The following FAM227B variants were observed in gnomAD, a reference collection of about 807,000 sequenced individuals.
FAM227B encodes the protein protein FAM227B.
In FAM227B, 88 loss-of-function variants were observed where a neutral mutation model predicts 73.8. The observed-to-expected ratio is 1.19, with a 90% CI of 1.00 to 1.42. The LOEUF (loss-of-function observed/expected upper bound fraction) is 1.42. Ranked by LOEUF, FAM227B falls within the 40% of genes most tolerant of loss-of-function variation. FAM227B has a pLI of 0.00. For synonymous variants in FAM227B, 210 were observed against 190.5 expected (o/e 1.10, Z -0.84); for missense variants, 632 against 590.9 (o/e 1.07, Z -0.72).
chr15:49,500,446 TC>T (rs1452730720), intron 11 of FAM227B, among the ~76,000 whole-genome samples: 1 of 152,140 alleles, frequency 6.6e-6, no homozygotes, highest in Non-Finnish European at 1.5e-5. Flanking sequence ...GGACATAAAG[TC>T]AAAGGAGGTT....
chr15:49,363,929 A>T (rs972343150), intron 13 of FAM227B, among the ~76,000 whole-genome samples: 18 of 152,024 alleles, frequency 1.2e-4, no homozygotes, highest in African/African-American at 4.3e-4. Context: ...ATTGATTTGC[A>T]CATGTTGCAT....
chr15:49,598,835 T>C (rs981690953), intron 3 of FAM227B, among the ~76,000 whole-genome samples: 16 of 152,078 alleles, frequency 1.1e-4, no homozygotes, highest in African/African-American at 2.4e-4. Flanking sequence ...TAATGTACTG[T>C]TGAATTGGGT....
At chr15:49,500,471 A>G (rs758085211) in intron 11 of FAM227B, among the ~76,000 whole-genome samples, 11 of 152,272 alleles carry the variant, frequency 7.2e-5, no homozygotes, top group Non-Finnish European at 1.2e-4. Context: ...TTGGAGCTTT[A>G]AGATACATGG....
At chr15:49,585,789 A>C (rs943571440) in intron 5 of FAM227B, among the ~76,000 whole-genome samples, 1 of 152,184 alleles carries the variant, frequency 6.6e-6, no homozygotes, top group Non-Finnish European at 1.5e-5. Context: ...ACATGTATAC[A>C]TATGTAACTA....
chr15:49,394,974 C>A (rs1454932218), intron 11 of FAM227B, among the ~76,000 whole-genome samples: 1 of 152,130 alleles, frequency 6.6e-6, no homozygotes, highest in Non-Finnish European at 1.5e-5. Flanking sequence ...TTTAACAATT[C>A]TTTGTCAGAG....
intron 13 of FAM227B, among the ~76,000 whole-genome samples, chr15:49,357,706 G>C (rs991414784): frequency 2.4e-4 from 37 of 151,808 alleles, no homozygotes; most frequent in African/African-American, 8.5e-4. Flanking sequence ...CCAATCAATA[G>C]AAAAAGAGGG....
At chr15:49,525,026 G>A in intron 10 of FAM227B, among the ~76,000 whole-genome samples, 1 of 152,176 alleles carries the variant, frequency 6.6e-6, no homozygotes, top group African/African-American at 2.4e-5. Flanking sequence ...TTGGATTGTG[G>A]ACTTTTGAGT....
chr15:49,417,555 A>G (rs564718927), intron 11 of FAM227B, among the ~76,000 whole-genome samples: 1 of 152,286 alleles, frequency 6.6e-6, no homozygotes, highest in East Asian at 1.9e-4. Flanking sequence ...AATCTCACAA[A>G]AACAAGCAAT....
At chr15:49,535,525 C>T (rs977727383) in intron 10 of FAM227B, among the ~76,000 whole-genome samples, 1 of 151,758 alleles carries the variant, frequency 6.6e-6, no homozygotes, top group Non-Finnish European at 1.5e-5. Flanking sequence ...ACTCTTTAAA[C>T]TCTAGAAATA....
At chr15:49,496,485 TAATCTAACAATACACTGC>T (rs1392842519) in intron 11 of FAM227B, among the ~76,000 whole-genome samples, 2 of 152,228 alleles carry the variant, frequency 1.3e-5, no homozygotes, top group East Asian at 3.8e-4. Flanking sequence ...GTCTTGTAAA[TAATCTAACAATACACTGC>T]TTAAGAGGAG....
chr15:49,588,546 A>C (rs578230003), intron 4 of FAM227B, among the ~76,000 whole-genome samples: 1 of 41,494 alleles, frequency 2.4e-5, no homozygotes, highest in African/African-American at 9.1e-5. Flanking sequence ...CATATTGAGG[A>C]CTATATATAT....
At chr15:49,445,750 ATC>A (rs1173754922) in intron 11 of FAM227B, among the ~76,000 whole-genome samples, 1 of 151,596 alleles carries the variant, frequency 6.6e-6, no homozygotes, top group Non-Finnish European at 1.5e-5. Flanking sequence ...AACTGCAGGT[ATC>A]TGTTTAAAGT....
At position 49,493,888 on chromosome 15, in the gene FAM227B, A is replaced by ATATGTG. The variant is rs146161182; in HGVS notation, c.1012+14322_1012+14323insCACATA. Among the ~76,000 whole-genome samples, 84 of 148,916 alleles carry ATATGTG rather than the reference A, an allele frequency of 5.6e-4. 1 individual carries two copies. The highest frequency in any genetic ancestry group is 1.9e-3 in the African/African-American group (75 of 40,414). ...TATGTATGTGTATATATATATATAT[A>ATATGTG]TGTGTGTGTGTGTATGTATGTGTGT... On this transcript the variant is annotated intron_variant, in intron 11 of 15. Coordinates refer to ENST00000299338, the MANE Select transcript of FAM227B (RefSeq NM_152647.3).
At chr15:49,347,042 AC>A (rs2041608204) in intron 13 of FAM227B, among the ~76,000 whole-genome samples, 1 of 152,222 alleles carries the variant, frequency 6.6e-6, no homozygotes, top group Non-Finnish European at 1.5e-5. Context: ...TTGGAATCTT[AC>A]CCAGATTCTA....
At chr15:49,493,992 T>C (rs2057364052) in intron 11 of FAM227B, among the ~76,000 whole-genome samples, 1 of 151,828 alleles carries the variant, frequency 6.6e-6, no homozygotes, top group South Asian at 2.1e-4. Context: ...TACATACCTA[T>C]AGATATATAA....
At chr15:49,484,160 T>A in intron 11 of FAM227B, 1 of 557,226 alleles carries the variant, frequency 1.8e-6, no homozygotes, top group Non-Finnish European at 3.1e-6. Flanking sequence ...TAAGTATAGC[T>A]AATAAACCAC....
chr15:49,346,371 T>C (rs988243143), intron 13 of FAM227B, among the ~76,000 whole-genome samples: 2 of 152,200 alleles, frequency 1.3e-5, no homozygotes, highest in African/African-American at 2.4e-5. Flanking sequence ...TTGCACAGAA[T>C]GAACCTGTTA....
At chr15:49,572,617 C>T (rs1285234403) in intron 8 of FAM227B, among the ~76,000 whole-genome samples, 1 of 152,042 alleles carries the variant, frequency 6.6e-6, no homozygotes, top group African/African-American at 2.4e-5. Context: ...ATTTTCATAC[C>T]AAACAACCCA....
chr15:49,516,926 T>C (rs1018952878), intron 10 of FAM227B, among the ~76,000 whole-genome samples: 1 of 152,114 alleles, frequency 6.6e-6, no homozygotes, highest in Admixed American at 6.6e-5. Flanking sequence ...TGATGTGATA[T>C]GAGATCAGAC....
Sources: gnomAD v4.1 joint callset for allele counts (sites outside exome capture counted in the v4.1 genomes callset) on GRCh38, gnomAD v4.1.1 for gene constraint, MANE v1.5 for transcripts, NCBI Gene and HGNC (gene_info 2026-07-23, HGNC 2026-07-21) for gene names.